RBFOX1: variants seen among roughly 807,000 people sequenced by gnomAD.
RBFOX1 encodes the protein RNA binding protein fox-1 homolog 1.
RBFOX1 carries 8 observed loss-of-function variants against 57.7 expected under a neutral mutation model. The ratio of observed to expected loss-of-function variants is 0.14; its 90% CI spans 0.08 to 0.25. The LOEUF is 0.25. Ranked by LOEUF, RBFOX1 falls within the 10% of genes least tolerant of loss-of-function variation. RBFOX1 has a pLI of 1.00. For missense variants in RBFOX1, 611 were observed against 548.5 expected, an observed-to-expected ratio of 1.11 and a Z score of -1.14; for synonymous variants, 326 against 222.4, an observed-to-expected ratio of 1.47 and a Z score of -4.15.
At chr16:5,497,450 C>A (rs1464638640) in intron 2 of RBFOX1, among the ~76,000 whole-genome samples, 1 of 151,824 alleles carries the variant, frequency 6.6e-6, no homozygotes. Context: ...CCCAGAGAGA[C>A]AAGAAAGAAG....
chr16:7,209,581 C>G (rs75553928), intron 4 of RBFOX1, among the ~76,000 whole-genome samples: 1,629 of 152,300 alleles, frequency 0.011, 26 homozygotes, highest in African/African-American at 0.037. Context: ...CCAACCCTCA[C>G]CTTCTCATCA....
chr16:7,694,654 C>T (rs989250832), intron 14 of RBFOX1, among the ~76,000 whole-genome samples: 1 of 152,180 alleles, frequency 6.6e-6, no homozygotes, highest in Non-Finnish European at 1.5e-5. Context: ...GAGGTGGCGA[C>T]ATCCTTAACA....
chr16:7,456,427 A>G (rs1192345253), intron 4 of RBFOX1, among the ~76,000 whole-genome samples: 1 of 152,192 alleles, frequency 6.6e-6, no homozygotes, highest in African/African-American at 2.4e-5. Context: ...TCCAAAGTAA[A>G]CACTAAGTAC....
intron 4 of RBFOX1, among the ~76,000 whole-genome samples, chr16:7,201,585 C>G (rs1246205606): frequency 2.0e-5 from 3 of 152,046 alleles, no homozygotes; most frequent in Non-Finnish European, 4.4e-5. Flanking sequence ...GCCTCAGCCT[C>G]CCAAGTGGCT....
intron 4 of RBFOX1, among the ~76,000 whole-genome samples, chr16:7,136,878 C>G (rs1001066785): frequency 6.6e-6 from 1 of 152,216 alleles, no homozygotes; most frequent in African/African-American, 2.4e-5. Context: ...TACACAAAAT[C>G]TACTGCATGC....
intron 3 of RBFOX1, among the ~76,000 whole-genome samples, chr16:6,994,145 G>A (rs557952691): frequency 1.3e-5 from 2 of 152,056 alleles, no homozygotes; most frequent in African/African-American, 2.4e-5. Flanking sequence ...ATTGCGCTTG[G>A]GGTATTGGCG....
At chr16:6,242,212 C>G (rs1336563984) in intron 1 of RBFOX1, among the ~76,000 whole-genome samples, 2 of 152,108 alleles carry the variant, frequency 1.3e-5, no homozygotes, top group African/African-American at 4.8e-5. Context: ...TACTATAAGA[C>G]TGATAAGTAC....
Position 5,291,261 on chromosome 16 carries a change from GT to G in RBFOX1, c.219+51175del, listed in dbSNP as rs71142610. ...CAGTAAAGGTGACCTTTTATCATTG[GT>G]TTTTTTTTTTTTTTTTTTGAGACGG... On this transcript the variant is annotated intron_variant, in intron 1 of 2. Transcript: ENST00000585867. Among the ~76,000 whole-genome samples the G allele has an allele frequency of 6.5e-3, 768 of 118,796 alleles. 3 individuals carry two copies. The highest frequency in any genetic ancestry group is 9.1e-3 in the Non-Finnish European group (547 of 60,140). 77.9% of individuals were successfully genotyped at this position (118,796 alleles called of 152,430 possible).
At chr16:7,000,304 T>C (rs994316766) in intron 3 of RBFOX1, among the ~76,000 whole-genome samples, 7 of 152,104 alleles carry the variant, frequency 4.6e-5, no homozygotes, top group African/African-American at 1.4e-4. Flanking sequence ...ATCAGAAATT[T>C]AAACATGATC....
At chr16:5,865,901 GGAGAGAGA>G (rs144864788) in intron 3 of RBFOX1, among the ~76,000 whole-genome samples, 1 of 151,204 alleles carries the variant, frequency 6.6e-6, no homozygotes, top group Admixed American at 6.6e-5. Flanking sequence ...GTGTGCAGGA[GGAGAGAGA>G]GAGAGAGGGA....
chr16:5,771,678 G>C (rs370322271), intron 3 of RBFOX1, among the ~76,000 whole-genome samples: 1 of 152,132 alleles, frequency 6.6e-6, no homozygotes, highest in African/African-American at 2.4e-5. Flanking sequence ...CAGAGTGTTG[G>C]GATGACAGAT....
intron 4 of RBFOX1, among the ~76,000 whole-genome samples, chr16:7,339,806 G>T (rs535457784): frequency 1.3e-5 from 2 of 152,196 alleles, no homozygotes; most frequent in South Asian, 4.1e-4. Flanking sequence ...TTGGTTAAAG[G>T]GGGAAAAAAA....
At chr16:5,961,064 G>C (rs1404480333) in intron 4 of RBFOX1, among the ~76,000 whole-genome samples, 2 of 152,182 alleles carry the variant, frequency 1.3e-5, no homozygotes, top group African/African-American at 4.8e-5. Context: ...GAGAAAGAAA[G>C]TTTGAGAAAT....
chr16:7,191,120 C>G (rs2085274822), intron 4 of RBFOX1, among the ~76,000 whole-genome samples: 1 of 152,182 alleles, frequency 6.6e-6, no homozygotes, highest in East Asian at 1.9e-4. Flanking sequence ...AGAGGAAAAT[C>G]CATCTTAATT....
intron 2 of RBFOX1, among the ~76,000 whole-genome samples, chr16:6,406,585 T>C (rs1043492297): frequency 6.6e-6 from 1 of 152,132 alleles, no homozygotes; most frequent in African/African-American, 2.4e-5. Flanking sequence ...AACATTTTTT[T>C]TTTTTTTCAT....
At chr16:7,583,642 A>G (rs535674959) in intron 6 of RBFOX1, among the ~76,000 whole-genome samples, 1 of 152,222 alleles carries the variant, frequency 6.6e-6, no homozygotes, top group Non-Finnish European at 1.5e-5. Context: ...AATTTACACA[A>G]CACCCTTGTT....
At chr16:5,961,999 C>T (rs975388508) in intron 4 of RBFOX1, among the ~76,000 whole-genome samples, 4 of 152,208 alleles carry the variant, frequency 2.6e-5, no homozygotes, top group Admixed American at 2.0e-4. Context: ...ATTGGGAGCC[C>T]ATCTCTCTCC....
At chr16:7,592,319 G>T (rs930165614) in intron 7 of RBFOX1, among the ~76,000 whole-genome samples, 2 of 152,106 alleles carry the variant, frequency 1.3e-5, no homozygotes, top group Admixed American at 1.3e-4. Context: ...CCCTTCCTTG[G>T]GATTCAAAAT....
chr16:5,922,041 G>T (rs1283188410), intron 4 of RBFOX1, among the ~76,000 whole-genome samples: 4 of 152,082 alleles, frequency 2.6e-5, no homozygotes, highest in African/African-American at 9.7e-5. Flanking sequence ...TACTCTTGTG[G>T]TCTCAGCTAC....
Sources: allele counts gnomAD v4.1 joint callset (sites outside exome capture counted in the v4.1 genomes callset), GRCh38; gene constraint gnomAD v4.1.1; transcripts MANE v1.5; gene names NCBI Gene and HGNC (gene_info 2026-07-23, HGNC 2026-07-21).